The following RBFOX1 variants were observed in gnomAD, a reference collection of about 807,000 sequenced individuals.
The protein encoded by RBFOX1 is RNA binding fox-1 homolog 1.
In RBFOX1, 8 loss-of-function variants were observed where a neutral mutation model predicts 57.7. The ratio of observed to expected loss-of-function variants is 0.14; its 90% CI spans 0.08 to 0.25. The LOEUF (loss-of-function observed/expected upper bound fraction) is 0.25. Ranked by LOEUF, RBFOX1 falls within the 10% of genes least tolerant of loss-of-function variation. RBFOX1 has a pLI of 1.00. For synonymous variants in RBFOX1, 326 were observed against 222.4 expected (o/e 1.47, Z -4.15); for missense variants, 611 against 548.5 (o/e 1.11, Z -1.14).
chr16:7,255,942 T>C (rs147663568), intron 4 of RBFOX1, among the ~76,000 whole-genome samples: 14 of 152,344 alleles, frequency 9.2e-5, no homozygotes, highest in African/African-American at 3.4e-4. Context: ...AATAAGATCA[T>C]AAAGTGTTCA....
At chr16:7,648,417 G>A (rs1340155506) in intron 11 of RBFOX1, among the ~76,000 whole-genome samples, 1 of 152,020 alleles carries the variant, frequency 6.6e-6, no homozygotes, top group Admixed American at 6.6e-5. Flanking sequence ...TAGAGACGGG[G>A]TTACATCATG....
chr16:6,520,966 C>T (rs2096486954), intron 2 of RBFOX1, among the ~76,000 whole-genome samples: 1 of 151,470 alleles, frequency 6.6e-6, no homozygotes, highest in Middle Eastern at 3.9e-3. Flanking sequence ...AATTGCTTCG[C>T]CACTAGAGAG....
chr16:7,537,744 C>T (rs1395580), intron 5 of RBFOX1, among the ~76,000 whole-genome samples: 40,603 of 152,106 alleles, frequency 0.27, 7,251 homozygotes, highest in African/African-American at 0.5. Flanking sequence ...TTGGAATTAA[C>T]GCAGGAGCCA....
At chr16:6,920,279 T>A (rs757518344) in intron 3 of RBFOX1, among the ~76,000 whole-genome samples, 1 of 152,184 alleles carries the variant, frequency 6.6e-6, no homozygotes, top group Non-Finnish European at 1.5e-5. Flanking sequence ...TTCTTTCCTT[T>A]GGTAGATATC....
intron 2 of RBFOX1, among the ~76,000 whole-genome samples, chr16:6,533,201 C>T (rs748111928): frequency 1.3e-5 from 2 of 152,204 alleles, no homozygotes; most frequent in African/African-American, 2.4e-5. Flanking sequence ...GAGTTGTGGA[C>T]AGATCAACTA....
intron 4 of RBFOX1, among the ~76,000 whole-genome samples, chr16:5,943,868 T>G (rs1291339377): frequency 6.6e-6 from 1 of 151,810 alleles, no homozygotes; most frequent in Non-Finnish European, 1.5e-5. Context: ...CACTCATCCA[T>G]TAATCTACCT....
intron 2 of RBFOX1, among the ~76,000 whole-genome samples, chr16:5,596,362 T>A (rs1335151917): frequency 2.6e-5 from 4 of 152,198 alleles, no homozygotes; most frequent in African/African-American, 9.7e-5. Context: ...TTCCTAAGGC[T>A]GGTGGTTGCT....
At chr16:6,697,548 C>T (rs758284317) in intron 3 of RBFOX1, among the ~76,000 whole-genome samples, 3 of 152,150 alleles carry the variant, frequency 2.0e-5, no homozygotes, top group Non-Finnish European at 4.4e-5. Context: ...TCACATGGTC[C>T]ATTCTCACTG....
chr16:6,336,915 A>G (rs2083840298), intron 2 of RBFOX1, among the ~76,000 whole-genome samples: 1 of 152,202 alleles, frequency 6.6e-6, no homozygotes, highest in South Asian at 2.1e-4. Context: ...TTCAAGAAAT[A>G]TCATTTATTG....
intron 2 of RBFOX1, among the ~76,000 whole-genome samples, chr16:6,351,589 G>A (rs1423865453): frequency 6.6e-6 from 1 of 151,726 alleles, no homozygotes; most frequent in Non-Finnish European, 1.5e-5. Context: ...GGCCAGGGTG[G>A]TCTCGAACTC....
rs541802354 is a variant in RBFOX1 at position 6,856,535 on chromosome 16, C to G, written c.-15-195522C>G. Among the ~76,000 whole-genome samples, 13 of 152,168 alleles carry G rather than the reference C, an allele frequency of 8.5e-5. 1 individual carries two copies. The highest frequency in any genetic ancestry group is 3.1e-4 in the African/African-American group (13 of 41,496). ...AAATTGGTAAGAAAGGAAAATGCTC[C>G]CTCATGAATGTTCATCAAAGAGTGT... On this transcript the variant is annotated intron_variant, in intron 3 of 15. Coordinates refer to ENST00000550418, the MANE Select transcript of RBFOX1 (RefSeq NM_018723.4).
At chr16:5,563,906 A>G (rs1163447572) in intron 2 of RBFOX1, among the ~76,000 whole-genome samples, 3 of 152,002 alleles carry the variant, frequency 2.0e-5, no homozygotes, top group Non-Finnish European at 2.9e-5. Context: ...TTATTTTCTT[A>G]AGTTTCTTGT....
intron 4 of RBFOX1, among the ~76,000 whole-genome samples, chr16:7,225,819 G>T (rs1322696600): frequency 6.8e-6 from 1 of 147,776 alleles, no homozygotes; most frequent in Non-Finnish European, 1.5e-5. Context: ...CGAGTTAATG[G>T]GTGCAGCACA....
At chr16:7,308,863 A>G (rs1417134563) in intron 4 of RBFOX1, among the ~76,000 whole-genome samples, 1 of 152,224 alleles carries the variant, frequency 6.6e-6, no homozygotes, top group Non-Finnish European at 1.5e-5. Context: ...ATGACTGTGT[A>G]GAAAAGTTCA....
chr16:7,419,810 C>T (rs891381112), intron 4 of RBFOX1, among the ~76,000 whole-genome samples: 2 of 152,182 alleles, frequency 1.3e-5, no homozygotes, highest in East Asian at 3.9e-4. Context: ...AATAGTTCTG[C>T]TTTTTCCAGA....
intron 4 of RBFOX1, among the ~76,000 whole-genome samples, chr16:7,414,822 T>C (rs2098463279): frequency 6.6e-6 from 1 of 152,190 alleles, no homozygotes; most frequent in Non-Finnish European, 1.5e-5. Context: ...TTTGCCATGT[T>C]AGCCAGGCTG....
intron 1 of RBFOX1, among the ~76,000 whole-genome samples, chr16:5,377,357 G>A (rs1027033779): frequency 6.6e-6 from 1 of 151,348 alleles, no homozygotes; most frequent in African/African-American, 2.5e-5. Context: ...CCTTGAGATG[G>A]GGTCACGTAA....
intron 3 of RBFOX1, among the ~76,000 whole-genome samples, chr16:6,983,321 T>C (rs1242920011): frequency 1.3e-5 from 2 of 152,170 alleles, no homozygotes; most frequent in Admixed American, 6.6e-5. Flanking sequence ...ATTATTTCTT[T>C]AGCCGTAAAT....
At chr16:7,189,314 T>G (rs2084738240) in intron 4 of RBFOX1, among the ~76,000 whole-genome samples, 1 of 150,042 alleles carries the variant, frequency 6.7e-6, no homozygotes, top group African/African-American at 2.4e-5. Context: ...AAGTCACAGC[T>G]ACTCAGGAGG....
Sources: gnomAD v4.1 joint callset for allele counts (sites outside exome capture counted in the v4.1 genomes callset) on GRCh38, gnomAD v4.1.1 for gene constraint, MANE v1.5 for transcripts, NCBI Gene and HGNC (gene_info 2026-07-23, HGNC 2026-07-21) for gene names.